Variants in PLCB1 observed in about 807,000 individuals in gnomAD.
PLCB1 encodes the protein 1-phosphatidylinositol 4,5-bisphosphate phosphodiesterase beta-1.
In PLCB1, 46 loss-of-function variants were observed where a neutral mutation model predicts 161.8. The observed-to-expected ratio is 0.28, with a 90% CI of 0.22 to 0.36. PLCB1 has a LOEUF of 0.36. Ranked by LOEUF, PLCB1 falls within the 10% of genes least tolerant of loss-of-function variation. The pLI is 1.00. For synonymous variants in PLCB1, 517 were observed against 503.7 expected, an observed-to-expected ratio of 1.03 and a Z score of -0.35; for missense variants, 1,016 against 1,472.5, an observed-to-expected ratio of 0.69 and a Z score of 5.07.
At chr20:8,642,568 A>G (rs929045877) in intron 4 of PLCB1, among the ~76,000 whole-genome samples, 1 of 152,250 alleles carries the variant, frequency 6.6e-6, no homozygotes, top group Non-Finnish European at 1.5e-5. Context: ...TGACAGCAAT[A>G]GGAGTTTGCC....
chr20:8,505,125 A>G (rs889280579), intron 3 of PLCB1, among the ~76,000 whole-genome samples: 1 of 152,146 alleles, frequency 6.6e-6, no homozygotes, highest in Non-Finnish European at 1.5e-5. Context: ...TTGATATCCA[A>G]AAGTGCTGGG....
At chr20:8,298,590 G>A (rs965376471) in intron 2 of PLCB1, among the ~76,000 whole-genome samples, 1 of 147,596 alleles carries the variant, frequency 6.8e-6, no homozygotes, top group Admixed American at 6.8e-5. Context: ...GTGGAATTGG[G>A]GCTTTTTTTT....
chr20:8,859,464 G>GA (rs1987182203), intron 31 of PLCB1, among the ~76,000 whole-genome samples: 1 of 152,118 alleles, frequency 6.6e-6, no homozygotes, highest in Non-Finnish European at 1.5e-5. Context: ...CTGGTCCTAG[G>GA]ACCACACTTT....
chr20:8,662,267 G>GTATTTATTATATAATTATGTATATAAT (rs1568551376), intron 9 of PLCB1, among the ~76,000 whole-genome samples: 28 of 76,032 alleles, frequency 3.7e-4, no homozygotes, highest in South Asian at 9.3e-4. Context: ...CTATACATAA[G>GTATTTATTATATAATTATGTATATAAT]TATTTATTAT....
intron 23 of PLCB1, among the ~76,000 whole-genome samples, chr20:8,742,922 T>G (rs1980959649): frequency 6.6e-6 from 1 of 152,254 alleles, no homozygotes; most frequent in Admixed American, 6.5e-5. Context: ...GCAACTTTAC[T>G]GAATGTTAAT....
At chr20:8,532,163 G>A (rs6055883) in intron 3 of PLCB1, among the ~76,000 whole-genome samples, 8,450 of 152,062 alleles carry the variant, frequency 0.056, 786 homozygotes, top group African/African-American at 0.19. Context: ...AATCTACATT[G>A]CCTACCTTTT....
intron 26 of PLCB1, among the ~76,000 whole-genome samples, chr20:8,773,705 G>A (rs2146202759): frequency 6.6e-6 from 1 of 152,274 alleles, no homozygotes; most frequent in East Asian, 1.9e-4. Context: ...CGGGCACGGT[G>A]GCTCACGTCT....
intron 3 of PLCB1, among the ~76,000 whole-genome samples, chr20:8,461,943 T>A (rs1040654547): frequency 3.3e-5 from 5 of 152,180 alleles, no homozygotes; most frequent in African/African-American, 1.2e-4. Flanking sequence ...GAATACATAA[T>A]TTCCCCTTGT....
intron 31 of PLCB1, among the ~76,000 whole-genome samples, chr20:8,825,596 T>G (rs1248887828): frequency 1.3e-5 from 2 of 152,080 alleles, no homozygotes; most frequent in East Asian, 3.9e-4. Flanking sequence ...GCCAGAAAGG[T>G]AGACAGAAAT....
At chr20:8,252,332 C>T (rs1054586753) in intron 2 of PLCB1, among the ~76,000 whole-genome samples, 1 of 151,924 alleles carries the variant, frequency 6.6e-6, no homozygotes, top group Non-Finnish European at 1.5e-5. Flanking sequence ...GGATGTGAAC[C>T]TGCTGACTTC....
chr20:8,179,845 G>A (rs1293546501), intron 2 of PLCB1, among the ~76,000 whole-genome samples: 1 of 123,382 alleles, frequency 8.1e-6, no homozygotes, highest in Non-Finnish European at 1.6e-5. Flanking sequence ...TTTGTTGAGG[G>A]CTTTTTTTTT....
chr20:8,859,655 C>T (rs1438378564), intron 31 of PLCB1, among the ~76,000 whole-genome samples: 4 of 152,086 alleles, frequency 2.6e-5, no homozygotes, highest in Non-Finnish European at 5.9e-5. Context: ...TTAAGGATCT[C>T]CTTCTAATTC....
In PLCB1 at chr20:8,740,362, TA is replaced by T; in HGVS notation, c.2329del (p.Arg777GlyfsTer8). The part of the protein sequence containing the change: ...AIRPGYHYIC[L>X]RNERNQPLTL... ...CTTCCAGGCTATCACTATATCTGTC[TA>T]AGGAATGAAAGGAACCAGCCTCTGA... On this transcript the variant is annotated frameshift_variant, in exon 22 of 32. Transcript: ENST00000338037. LOFTEE classifies it high-confidence loss of function. 6.2e-7 allele frequency: 1 copy of T among 1,603,284 alleles called. No homozygotes were observed. The highest frequency in any genetic ancestry group is 8.5e-7 in the Non-Finnish European group (1 of 1,172,734).
intron 3 of PLCB1, among the ~76,000 whole-genome samples, chr20:8,439,791 G>T (rs12624610): frequency 2.0e-5 from 3 of 150,662 alleles, no homozygotes; most frequent in East Asian, 3.9e-4. Flanking sequence ...TTTTCTTCTA[G>T]GTCGTTGACC....
intron 24 of PLCB1, among the ~76,000 whole-genome samples, chr20:8,759,896 A>ATT (rs3033840): frequency 0.34 from 25,985 of 77,450 alleles, 4,516 homozygotes; most frequent in East Asian, 0.58. Context: ...ATAATATCAC[A>ATT]TTTTTTTTTT....
chr20:8,499,573 G>A (rs1160817453), intron 3 of PLCB1, among the ~76,000 whole-genome samples: 1 of 152,086 alleles, frequency 6.6e-6, no homozygotes, highest in Non-Finnish European at 1.5e-5. Context: ...GAACATTTTG[G>A]TTGTTGTTTA....
At chr20:8,391,804 TATATATATATATATATATATAC>T (rs1987607192) in intron 3 of PLCB1, among the ~76,000 whole-genome samples, 2 of 138,206 alleles carry the variant, frequency 1.4e-5, no homozygotes, top group East Asian at 2.1e-4. Context: ...TATATATATA[TATATATATATATATATATATAC>T]ACACACATAT....
chr20:8,178,588 T>G (rs1248913196), intron 2 of PLCB1, among the ~76,000 whole-genome samples: 1 of 152,226 alleles, frequency 6.6e-6, no homozygotes, highest in East Asian at 1.9e-4. Flanking sequence ...AGGCTGTCTA[T>G]TTACTCTGTT....
Position 8,739,505 on chromosome 20 carries a change from G to C in PLCB1, c.2308+145G>C, listed in dbSNP as rs1028880937. 14 of 617,806 alleles carry C rather than the reference G, an allele frequency of 2.3e-5. No homozygotes were observed. In the South Asian group the frequency reaches 2.8e-4, roughly 12 times the overall value. The allele number at this position is 617,806 out of a possible 1,614,324, so 38.3% of individuals were successfully genotyped here. A position where few individuals can be genotyped will look rare whatever the true frequency, so the allele number is the denominator to read the frequency against. ...CAAGGGCGATGAGATTTAGTTACATGTTTTTGTGACATGTTGTAGTATTAA... is the reference window on the plus strand; with the variant it reads ...CAAGGGCGATGAGATTTAGTTACATCTTTTTGTGACATGTTGTAGTATTAA... On this transcript the variant is annotated intron_variant, in intron 21 of 31. Coordinates refer to ENST00000338037, the MANE Select transcript of PLCB1 (RefSeq NM_015192.4).
Sources: gnomAD v4.1 joint callset for allele counts (sites outside exome capture counted in the v4.1 genomes callset) on GRCh38, gnomAD v4.1.1 for gene constraint, MANE v1.5 for transcripts, NCBI Gene and HGNC (gene_info 2026-07-23, HGNC 2026-07-21) for gene names.